ALOX12: variants seen among roughly 807,000 people sequenced by gnomAD.
ALOX12 encodes the protein arachidonate 12-lipoxygenase, 12S type.
In ALOX12, 62 loss-of-function variants were observed where a neutral mutation model predicts 85.5. The ratio of observed to expected loss-of-function variants is 0.73; its 90% CI spans 0.59 to 0.90. The LOEUF (loss-of-function observed/expected upper bound fraction) is 0.90. ALOX12 is among the 40% of genes least tolerant of loss of function. The pLI is 0.00. For missense variants in ALOX12, 751 were observed against 856.5 expected (o/e 0.88, Z 1.54); for synonymous variants, 299 against 332.7 (o/e 0.90, Z 1.10).
rs202195274 is a variant in ALOX12 at position 6,996,181 on chromosome 17, G to T, written c.64G>T (p.Val22Leu). The change falls in exon 1 of 14, where the codon GTG (valine) becomes TTG (leucine). Residue 22 changes from valine (V) to leucine (L), a missense_variant. Val to Leu is a conservative substitution (Grantham distance 32). Coordinates refer to ENST00000251535, the MANE Select transcript of ALOX12 (RefSeq NM_000697.3). ...AWLFSGSYNR[V>L]QLWLVGTRGE... is the part of the protein sequence containing the mutation. The stretch of plus-strand genomic sequence containing the variant: ...GCTCTTCTCCGGGTCGTACAACCGC[G>T]TGCAGCTTTGGCTGGTCGGGACGCG... 1,900 of 1,253,420 alleles carry T rather than the reference G, an allele frequency of 1.5e-3. 6 individuals carry two copies. The highest frequency in any genetic ancestry group is 2.4e-3 in the Middle Eastern group (10 of 4,090). The allele number at this position is 1,253,420 out of a possible 1,614,324, so 77.6% of individuals were successfully genotyped here.
In ALOX12 at chr17:7,009,936, G is replaced by A. The variant is rs748445506; in HGVS notation, c.1642-20G>A. On this transcript the variant is annotated intron_variant, in intron 12 of 13. Coordinates refer to ENST00000251535, the MANE Select transcript of ALOX12 (RefSeq NM_000697.3). ...AAACCCTAAGTACCAGGGTTCTAGG[G>A]TTACAGTTTCTTCCTCCAGCTGGAC... 12 of 1,613,488 alleles carry A rather than the reference G, an allele frequency of 7.4e-6. No homozygotes were observed. In the South Asian group the frequency reaches 9.9e-5, roughly 13 times the overall value.
At chr17:6,997,233 T>G (rs1908491552) in intron 2 of ALOX12, 22 of 778,826 alleles carry the variant, frequency 2.8e-5, no homozygotes, top group Non-Finnish European at 3.4e-5. Context: ...AGGCTGCGTG[T>G]GAGGCTGGAG....
At chr17:7,001,335 C>G (rs1200117147) in intron 7 of ALOX12, 1 of 507,422 alleles carries the variant, frequency 2.0e-6, no homozygotes, top group Non-Finnish European at 3.5e-6. Flanking sequence ...CCACCACCAT[C>G]TGAGCGCCGA....
chr17:6,996,124 CG>C lies in ALOX12; in HGVS notation c.8del (p.Arg3ProfsTer61), dbSNP rs1207530650. The C allele has an allele frequency of 4.8e-6, 6 of 1,250,810 alleles. No individual in the cohort carries two copies. The highest frequency in any genetic ancestry group is 6.1e-6 in the Non-Finnish European group (6 of 990,886). The allele number at this position is 1,250,810 out of a possible 1,614,324, so 77.5% of individuals were successfully genotyped here. ...TAAGCTGCTGGGGGGCGCCATGGGC[CG>C]CTACCGCATCCGCGTGGCCACCGGG... MG[R>X]YRIRVATGAW... On this transcript the variant is annotated frameshift_variant, in exon 1 of 14. Coordinates refer to ENST00000251535, the MANE Select transcript of ALOX12 (RefSeq NM_000697.3). LOFTEE classifies it high-confidence loss of function.
At chr17:7,006,907 G>T (rs1054353661) in intron 11 of ALOX12, among the ~76,000 whole-genome samples, 1 of 152,006 alleles carries the variant, frequency 6.6e-6, no homozygotes, top group African/African-American at 2.4e-5. Flanking sequence ...AGCTGGGAGG[G>T]GTCTGCACAG....
At chr17:7,006,445 C>T (rs770313434) in intron 10 of ALOX12, 41 bp from the exon 11 acceptor site, 35 of 1,610,208 alleles carry the variant, frequency 2.2e-5, no homozygotes, top group Admixed American at 1.5e-4. Context: ...AGGTCAGAGG[C>T]GGGGGCTTTC....
chr17:6,998,039 T>A (rs1193705257), intron 2 of ALOX12, among the ~76,000 whole-genome samples: 3 of 151,140 alleles, frequency 2.0e-5, no homozygotes, highest in African/African-American at 4.9e-5. Flanking sequence ...AAAGATGAGG[T>A]TTAAAAAAAA....
intron 6 of ALOX12, among the ~76,000 whole-genome samples, chr17:6,999,947 T>C (rs312471): frequency 0.96 from 146,538 of 152,288 alleles, 70,694 homozygotes; most frequent in Middle Eastern, 1. Context: ...TGGCAGAGGA[T>C]GTGAGATTTG....
intron 11 of ALOX12, among the ~76,000 whole-genome samples, chr17:7,007,818 T>C (rs1597326773): frequency 6.6e-6 from 1 of 151,872 alleles, no homozygotes; most frequent in Non-Finnish European, 1.5e-5. Context: ...GAGGCGGAGG[T>C]TGCAGTGAGC....
Position 6,998,779 on chromosome 17 carries a change from C to T in ALOX12, c.484C>T (p.Pro162Ser), listed in dbSNP as rs779470061. ...IAADRKDDLPPNMRFHEEKRL... is the reference protein window; with the variant it reads ...IAADRKDDLPSNMRFHEEKRL... ...TGCAGACCGTAAGGATGATCTACCT[C>T]CAAATATGAGATTCCATGAGGAGAA... Residue 162 changes from proline to serine, a missense_variant, in exon 4 of 14, where the codon CCA (proline) becomes TCA (serine). Transcript: ENST00000251535. The T allele has an allele frequency of 6.2e-7, 1 of 1,614,130 alleles. No individual in the cohort carries two copies. The highest frequency in any genetic ancestry group is 8.5e-7 in the Non-Finnish European group (1 of 1,180,038).
In ALOX12 at chr17:6,996,880, A is replaced by G. The variant is rs1440289427; in HGVS notation, c.190A>G (p.Arg64Gly). Residue 64 changes from arginine (R) to glycine (G), a missense_variant, in exon 2 of 14, where the codon AGG (arginine) becomes GGG (glycine). Transcript: ENST00000251535. Reference sequence around the variant, plus strand: ...GGACTTGGGGCTCCTGCAGTTCGTGAGGCTGCGCAAGCACCACTGGCTGGT... The same window carrying G: ...GGACTTGGGGCTCCTGCAGTTCGTGGGGCTGCGCAAGCACCACTGGCTGGT... ...AEDLGLLQFV[R>G]LRKHHWLVDD... 2 of 1,613,986 alleles carry G rather than the reference A, an allele frequency of 1.2e-6. No individual in the cohort carries two copies. Among genetic ancestry groups the G allele is most frequent in the Non-Finnish European group, 1.7e-6 (2 of 1,179,874 alleles).
At chr17:7,002,551 G>T in intron 8 of ALOX12, 1 of 468,182 alleles carries the variant, frequency 2.1e-6, no homozygotes. Context: ...GCTTTGGGTG[G>T]CCAAAGCAGT....
intron 8 of ALOX12, among the ~76,000 whole-genome samples, chr17:7,004,718 A>C (rs1372748936): frequency 6.6e-6 from 1 of 152,120 alleles, no homozygotes; most frequent in Non-Finnish European, 1.5e-5. Context: ...CCCCTAAAGA[A>C]ACCCCCAACT....
intron 8 of ALOX12, among the ~76,000 whole-genome samples, chr17:7,004,485 T>C (rs1908935697): frequency 6.8e-6 from 1 of 146,968 alleles, no homozygotes; most frequent in South Asian, 2.1e-4. Context: ...TAATTTAAAA[T>C]TAAATATTTA....
chr17:7,009,437 T>C (rs1013098802), intron 11 of ALOX12: 1 of 277,094 alleles, frequency 3.6e-6, no homozygotes, highest in African/African-American at 2.2e-5. Context: ...AATCCTTCCA[T>C]AACAATAATT....
Position 7,006,477 on chromosome 17 carries a change from C to A in ALOX12, c.1419-9C>A. ...TTTCTGCCCTCAAGTGCCTTTTCCC[C>A]CTGGGCAGGTATGTGGAGGGGATCG... is the stretch of plus-strand genomic sequence containing the variant. On this transcript the variant is annotated splice_polypyrimidine_tract_variant and intron_variant, in intron 10 of 13. Transcript: ENST00000251535. The A allele has an allele frequency of 3.1e-6, 5 of 1,613,468 alleles. No individual in the cohort carries two copies. The highest frequency in any genetic ancestry group is 4.2e-6 in the Non-Finnish European group (5 of 1,179,890).
chr17:7,000,470 G>A lies in ALOX12; in HGVS notation c.942G>A (p.Met314Ile). ...KMEPNGKLQP[M>I]VIQIQPPNPS... ...AGCCCAATGGGAAGCTGCAGCCCAT[G>A]GTCATCCAGGTAAGGGCCCCAGACC... The change falls in exon 7 of 14, where the codon ATG (methionine) becomes ATA (isoleucine). Residue 314 changes from methionine to isoleucine, a missense_variant. Transcript: ENST00000251535. This position sits in a 1 kb window ranked among gnomAD's most constrained non-coding sequence, Gnocchi z 4.6. 6.2e-7 allele frequency: 1 copy of A among 1,613,780 alleles called. No individual in the cohort carries two copies. The highest frequency in any genetic ancestry group is 1.1e-5 in the South Asian group (1 of 91,060).
Position 6,996,130 on chromosome 17 carries a change from C to G in ALOX12, c.13C>G (p.Arg5Gly), listed in dbSNP as rs530276861. Residue 5 changes from arginine to glycine, a missense_variant, in exon 1 of 14, where the codon CGC becomes GGC. By Grantham distance (125) the Arg-to-Gly change is moderately radical. Transcript: ENST00000251535. Reference sequence around the variant, plus strand: ...GCTGGGGGGCGCCATGGGCCGCTACCGCATCCGCGTGGCCACCGGGGCCTG... The same window carrying G: ...GCTGGGGGGCGCCATGGGCCGCTACGGCATCCGCGTGGCCACCGGGGCCTG... MGRY[R>G]IRVATGAWLF... The G allele has an allele frequency of 1.4e-5, 17 of 1,251,406 alleles. No individual in the cohort carries two copies. The highest frequency in any genetic ancestry group is 2.6e-4 in the Middle Eastern group (1 of 3,854). The allele number at this position is 1,251,406 out of a possible 1,614,324, so 77.5% of individuals were successfully genotyped here.
chr17:6,996,943 G>A lies in ALOX12; in HGVS notation c.253G>A (p.Gly85Ser), dbSNP rs1433760571. The change falls in exon 2 of 14, where the codon GGC becomes AGC. Residue 85 changes from glycine to serine, a missense_variant. Physicochemically the swap from Gly to Ser is moderately conservative, Grantham distance 56. Coordinates refer to ENST00000251535, the MANE Select transcript of ALOX12 (RefSeq NM_000697.3). ...GTTCTGCGACCGCATCACGGTGCAGGGCCCTGGAGCCTGCGCGGAGGTGGC... is the reference window on the plus strand; with the variant it reads ...GTTCTGCGACCGCATCACGGTGCAGAGCCCTGGAGCCTGCGCGGAGGTGGC... Reference protein sequence around the residue: ...AWFCDRITVQGPGACAEVAFP... With the variant: ...AWFCDRITVQSPGACAEVAFP... The A allele has an allele frequency of 3.7e-6, 6 of 1,603,864 alleles. No individual in the cohort carries two copies. In the Admixed American group the frequency reaches 8.6e-5, roughly 23 times the overall value.
Sources: allele counts gnomAD v4.1 joint callset (sites outside exome capture counted in the v4.1 genomes callset), GRCh38; gene constraint gnomAD v4.1.1; non-coding constraint Gnocchi (gnomAD v3.1); transcripts MANE v1.5; gene names NCBI Gene and HGNC (gene_info 2026-07-23, HGNC 2026-07-21).